PIP5K1A: variants seen among roughly 807,000 people sequenced by gnomAD.
PIP5K1A encodes the protein phosphatidylinositol 4-phosphate 5-kinase type-1 alpha.
A neutral mutation model predicts 72.9 loss-of-function variants in PIP5K1A; 46 were observed. The ratio of observed to expected loss-of-function variants is 0.63; its 90% CI spans 0.50 to 0.81. The LOEUF (loss-of-function observed/expected upper bound fraction) is 0.81, where lower values mean the gene tolerates loss of function less well. Among genes scored for constraint, PIP5K1A ranks in the 30% least tolerant of loss-of-function variants. PIP5K1A has a pLI of 0.00. For synonymous variants in PIP5K1A, 228 were observed against 255.1 expected (o/e 0.89, Z 1.01); for missense variants, 458 against 706.1 (o/e 0.65, Z 3.98).
Position 151,227,018 on chromosome 1 carries a change from ACT to A in PIP5K1A, c.157-299_157-298del, listed in dbSNP as rs1452823004. Among the ~76,000 whole-genome samples, 8 of 152,222 alleles carry A rather than the reference ACT, an allele frequency of 5.3e-5. No homozygotes were observed. The East Asian group carries it at 5.8e-4, about 11-fold the overall frequency. On this transcript the variant is annotated intron_variant, in intron 3 of 15. Transcript: ENST00000368888. ...CTCCAGCCTGGGCAACAAGAGCGAGACTCTGTTTCAAAAAAATAAAGAGTAAA... is the reference window on the plus strand; with the variant it reads ...CTCCAGCCTGGGCAACAAGAGCGAGACTGTTTCAAAAAAATAAAGAGTAAA...
At chr1:151,245,111 G>T (rs371621349) in intron 14 of PIP5K1A, among the ~76,000 whole-genome samples, 9 of 151,950 alleles carry the variant, frequency 5.9e-5, no homozygotes, top group African/African-American at 2.2e-4. Flanking sequence ...TCAAGTTCTG[G>T]CATTTTTGTT....
At chr1:151,221,197 T>G (rs1281780656) in intron 1 of PIP5K1A, among the ~76,000 whole-genome samples, 1 of 152,184 alleles carries the variant, frequency 6.6e-6, no homozygotes. Flanking sequence ...TATACAAACA[T>G]AAGTTGTTTG....
intron 1 of PIP5K1A, among the ~76,000 whole-genome samples, chr1:151,220,957 A>G (rs1200323705): frequency 6.6e-6 from 1 of 152,204 alleles, no homozygotes; most frequent in Non-Finnish European, 1.5e-5. Flanking sequence ...TAATATAACT[A>G]CAGTGGTATT....
At chr1:151,230,049 C>T (rs1384645286) in intron 4 of PIP5K1A, among the ~76,000 whole-genome samples, 1 of 152,104 alleles carries the variant, frequency 6.6e-6, no homozygotes. Flanking sequence ...GATCACGCCA[C>T]TGCACTCCAG....
In PIP5K1A at chr1:151,224,420, T is replaced by C. The variant is rs587742071; in HGVS notation, c.156+14T>C. 4.3e-5 allele frequency: 66 copies of C among 1,540,666 alleles called. 2 individuals carry two copies. In the South Asian group the frequency reaches 6.2e-4, roughly 14 times the overall value. On this transcript the variant is annotated intron_variant, in intron 3 of 15. Coordinates refer to ENST00000368888, the MANE Select transcript of PIP5K1A (RefSeq NM_001135638.2). ...TACATCTCATTGGTAGGCTAGAAAT[T>C]ATGCAACTCATCTTTTATTGTAGTT...
intron 3 of PIP5K1A, 134 bp downstream of exon 3, chr1:151,224,540 C>T (rs1378660599): frequency 1.4e-6 from 1 of 697,672 alleles, no homozygotes; most frequent in Non-Finnish European, 2.5e-6. Context: ...CCTAAGTGCC[C>T]TTTAAGATAT....
intron 1 of PIP5K1A, among the ~76,000 whole-genome samples, chr1:151,218,914 A>G (rs927219148): frequency 1.3e-5 from 2 of 151,040 alleles, no homozygotes; most frequent in African/African-American, 2.4e-5. Flanking sequence ...TGTGGGCTCT[A>G]GTTTTGCCTG....
intron 7 of PIP5K1A, chr1:151,233,739 A>G (rs1690449929): frequency 6.4e-6 from 1 of 156,464 alleles, no homozygotes; most frequent in Non-Finnish European, 1.4e-5. Context: ...GCACCTGGCT[A>G]TTTTCGTCTT....
upstream of PIP5K1A, among the ~76,000 whole-genome samples, chr1:151,196,607 T>G (rs1300803373): frequency 7.3e-6 from 1 of 137,562 alleles, no homozygotes; most frequent in East Asian, 2.2e-4. Context: ...CAGGCTGGAG[T>G]GCAAAGGCGC....
intron 4 of PIP5K1A, among the ~76,000 whole-genome samples, chr1:151,228,477 T>C (rs1451626057): frequency 6.6e-6 from 1 of 152,222 alleles, no homozygotes; most frequent in African/African-American, 2.4e-5. Flanking sequence ...GACAGTCATT[T>C]AGCTGGCGAA....
At chr1:151,212,073 C>T (rs1245450977) in intron 1 of PIP5K1A, among the ~76,000 whole-genome samples, 1 of 151,914 alleles carries the variant, frequency 6.6e-6, no homozygotes, top group Non-Finnish European at 1.5e-5. Flanking sequence ...GATCACGACG[C>T]TGCACTCCAT....
rs776500415 is a variant in PIP5K1A at position 151,242,495 on chromosome 1, G to T, written c.1568G>T (p.Ser523Ile). The change falls in exon 14 of 16, where the codon AGT becomes ATT. Residue 523 changes from serine to isoleucine, a missense_variant. Around this residue, in one of 3 missense-constraint regions of PIP5K1A, gnomAD observed 157 missense variants for 175.5 expected, o/e 0.89. Transcript: ENST00000368888. The stretch of plus-strand genomic sequence containing the variant: ...CAGACTCCACCTTTGGAGGAAATCA[G>T]TGAGGGCTCGCCTATTCCTGACCCC... ...LPQTPPLEEI[S>I]EGSPIPDPSF... 1 of 1,613,736 alleles carries T rather than the reference G, an allele frequency of 6.2e-7. No homozygotes were observed. The highest frequency in any genetic ancestry group is 8.5e-7 in the Non-Finnish European group (1 of 1,179,642).
intron 6 of PIP5K1A, 44 bp from the exon 7 acceptor site, chr1:151,232,507 C>T (rs1690242569): frequency 6.3e-7 from 1 of 1,578,194 alleles, no homozygotes. Context: ...TTGGGCAAGG[C>T]CCTGATGTGT....
rs587633106 is a variant in PIP5K1A, at chr1:151,208,104, C to T, written c.85+9023C>T. Among the ~76,000 whole-genome samples the T allele has an allele frequency of 2.6e-4, 39 of 152,116 alleles. 1 individual carries two copies. Among genetic ancestry groups the T allele is most frequent in the Admixed American group, 2.4e-3 (36 of 15,270 alleles). ...CGAACTCCTAACTTCAGCTGATCCA[C>T]CTGCCTTGGCCTCCCAAAGTGCTGG... is the stretch of plus-strand genomic sequence containing the variant. On this transcript the variant is annotated intron_variant, in intron 1 of 15. Coordinates refer to ENST00000368888, the MANE Select transcript of PIP5K1A (RefSeq NM_001135638.2).
At chr1:151,216,273 C>T (rs1336181624) in intron 1 of PIP5K1A, among the ~76,000 whole-genome samples, 1 of 149,444 alleles carries the variant, frequency 6.7e-6, no homozygotes, top group Non-Finnish European at 1.5e-5. Context: ...GGCGTGAACC[C>T]GGGAGGCAGA....
chr1:151,200,651 A>G (rs587627321), intron 1 of PIP5K1A, among the ~76,000 whole-genome samples: 1 of 152,238 alleles, frequency 6.6e-6, no homozygotes, highest in South Asian at 2.1e-4. Flanking sequence ...ATCTAGTCAC[A>G]CATATCTTCT....
intron 14 of PIP5K1A, among the ~76,000 whole-genome samples, chr1:151,243,257 A>G (rs1320732386): frequency 6.6e-6 from 1 of 152,188 alleles, no homozygotes; most frequent in East Asian, 1.9e-4. Flanking sequence ...CCAGGGTCTC[A>G]TCCCATTGTA....
upstream of PIP5K1A, chr1:151,198,134 C>T (rs1405915257): frequency 2.1e-6 from 1 of 468,390 alleles, no homozygotes; most frequent in Admixed American, 2.4e-5. Flanking sequence ...CATGCACGCA[C>T]GTTTAATCAA....
At chr1:151,242,733 G>A (rs1468404392) in intron 14 of PIP5K1A, among the ~76,000 whole-genome samples, 166 bp downstream of exon 14, 1 of 152,172 alleles carries the variant, frequency 6.6e-6, no homozygotes. Flanking sequence ...GCCCAGCTTA[G>A]CTGGGTCCTC....
Sources: gnomAD v4.1 joint callset for allele counts (sites outside exome capture counted in the v4.1 genomes callset) on GRCh38, gnomAD v4.1.1 for gene constraint, gnomAD v4.1.1 regional missense constraint, MANE v1.5 for transcripts, NCBI Gene and HGNC (gene_info 2026-07-23, HGNC 2026-07-21) for gene names.